DRC1: variants seen among roughly 807,000 people sequenced by gnomAD.
DRC1 encodes the protein dynein regulatory complex protein 1.
In DRC1, 74 loss-of-function variants were observed where a neutral mutation model predicts 98.7. That is an observed-to-expected ratio of 0.75 (90% confidence interval 0.62 to 0.91). The LOEUF (loss-of-function observed/expected upper bound fraction) is 0.91. DRC1 is among the 40% of genes least tolerant of loss of function. DRC1 has a pLI of 0.00. For missense variants in DRC1, 875 were observed against 886.0 expected (o/e 0.99, Z 0.16); for synonymous variants, 336 against 334.1 (o/e 1.01, Z -0.06).
chr2:26,405,952 G>T (rs997303860), intron 1 of DRC1, among the ~76,000 whole-genome samples: 1 of 152,098 alleles, frequency 6.6e-6, no homozygotes, highest in South Asian at 2.1e-4. Context: ...GAGCCACTGC[G>T]CCCTGCCTCT....
At chr2:26,416,241 T>A (rs548691402) in intron 2 of DRC1, among the ~76,000 whole-genome samples, 1 of 152,254 alleles carries the variant, frequency 6.6e-6, no homozygotes, top group Non-Finnish European at 1.5e-5. Context: ...CCCTTGACCC[T>A]GCAGTTTTTC....
At chr2:26,427,415 CT>C (rs901032299) in intron 4 of DRC1, among the ~76,000 whole-genome samples, 50 of 151,064 alleles carry the variant, frequency 3.3e-4, no homozygotes, top group South Asian at 1.5e-3. Context: ...CGCACCTGAG[CT>C]TTTTTTTTAA....
intron 4 of DRC1, 61 bp from the exon 5 acceptor site, chr2:26,429,567 T>G: frequency 5.0e-6 from 8 of 1,588,880 alleles, no homozygotes; most frequent in Non-Finnish European, 6.8e-6. Context: ...CTAGAGAGAG[T>G]GTTTGGCACC....
chr2:26,436,060 T>C (rs1663563054), intron 7 of DRC1, among the ~76,000 whole-genome samples: 1 of 152,190 alleles, frequency 6.6e-6, no homozygotes, highest in South Asian at 2.1e-4. Flanking sequence ...CCTGAACTAA[T>C]TTACCTTCCC....
Position 26,456,503 on chromosome 2 carries a change from G to A in DRC1, c.2209G>A (p.Val737Ile). ...AGTTCCTCCCACTCAGGTGTTGCGG[G>A]TACCCACAAAATGAGCTGGACCGCC... ...LQVPPTQVLR[V>I]PTK The change falls in exon 17 of 17, where the codon GTA becomes ATA. Residue 737 changes from valine to isoleucine, a missense_variant. Coordinates refer to ENST00000288710, the MANE Select transcript of DRC1 (RefSeq NM_145038.5). 6.2e-7 allele frequency: 1 copy of A among 1,614,120 alleles called. No individual in the cohort carries two copies. The highest frequency in any genetic ancestry group is 1.1e-5 in the South Asian group (1 of 91,068).
intron 10 of DRC1, among the ~76,000 whole-genome samples, chr2:26,445,564 T>G (rs1486037831): frequency 6.6e-6 from 1 of 152,220 alleles, no homozygotes; most frequent in African/African-American, 2.4e-5. Context: ...AAAGTAATTA[T>G]CCTTATTGAG....
intron 2 of DRC1, among the ~76,000 whole-genome samples, chr2:26,418,667 TAA>T (rs1356523326): frequency 3.4e-5 from 3 of 88,852 alleles, no homozygotes; most frequent in African/African-American, 1.4e-4. Context: ...ATATATTATA[TAA>T]ATTAAATATA....
At position 26,414,262 on chromosome 2, in the gene DRC1, C is replaced by T. The variant is rs1678719738; in HGVS notation, c.156-82C>T. On this transcript the variant is annotated intron_variant, in intron 1 of 16. Coordinates refer to ENST00000288710, the MANE Select transcript of DRC1 (RefSeq NM_145038.5). Reference sequence around the variant, plus strand: ...AAACTGTTGGGATTACAGGCATGAGCTACTGTGCCAGGCCAAAACCTTTAA... The same window carrying T: ...AAACTGTTGGGATTACAGGCATGAGTTACTGTGCCAGGCCAAAACCTTTAA... The T allele has an allele frequency of 4.3e-6, 6 of 1,408,630 alleles. No individual in the cohort carries two copies. The East Asian group carries it at 1.4e-4, about 32-fold the overall frequency. 87.3% of individuals were successfully genotyped at this position (1,408,630 alleles called of 1,614,324 possible).
rs778327054 is a variant in DRC1, at chr2:26,426,370, A to ATT, written c.540+1929_540+1930dup. On this transcript the variant is annotated intron_variant, in intron 4 of 16. Transcript: ENST00000288710. ...GCTCTTTGCAGTTTTGTTTTTGTTT[A>ATT]TTTTTTTTTTTTTTGAGACTGAGTC... 7.3e-4 allele frequency among the ~76,000 whole-genome samples: 101 copies of ATT among 138,230 alleles called. 2 individuals are homozygous for ATT. The highest frequency in any genetic ancestry group is 2.3e-3 in the African/African-American group (87 of 38,124). 90.7% of individuals were successfully genotyped at this position (138,230 alleles called of 152,430 possible). A position where few individuals can be genotyped will look rare whatever the true frequency, so the allele number is the denominator to read the frequency against.
intron 7 of DRC1, among the ~76,000 whole-genome samples, chr2:26,437,662 G>T (rs1663606861): frequency 6.6e-6 from 1 of 151,800 alleles, no homozygotes; most frequent in Non-Finnish European, 1.5e-5. Flanking sequence ...TATATAATTT[G>T]TCCCAGCATT....
intron 1 of DRC1, among the ~76,000 whole-genome samples, chr2:26,410,650 T>C (rs1411516620): frequency 2.0e-5 from 3 of 152,102 alleles, no homozygotes; most frequent in Non-Finnish European, 2.9e-5. Context: ...GAGCATATTA[T>C]CATGGAAAGA....
In DRC1 at chr2:26,453,477, C is replaced by A. The variant is rs377023666; in HGVS notation, c.1847C>A (p.Ser616Tyr). Residue 616 changes from serine to tyrosine, a missense_variant, in exon 14 of 17, where the codon TCC (serine) becomes TAC (tyrosine). By Grantham distance (144) the Ser-to-Tyr change is moderately radical. Coordinates refer to ENST00000288710, the MANE Select transcript of DRC1 (RefSeq NM_145038.5). The stretch of plus-strand genomic sequence containing the variant: ...GAGGAAGAGGAGGAGACCCCACCCT[C>A]CCCCTGGGTCATCCACCCCAATGAT... The part of the protein sequence containing the change: ...EKEEEEETPP[S>Y]PWVIHPNDVL... The A allele has an allele frequency of 1.2e-6, 2 of 1,614,010 alleles. No homozygotes were observed. The highest frequency in any genetic ancestry group is 1.3e-5 in the African/African-American group (1 of 74,924).
chr2:26,430,479 C>A, intron 5 of DRC1: 1 of 509,696 alleles, frequency 2.0e-6, no homozygotes. Context: ...CACACCATGG[C>A]CTGCCGTGTG....
chr2:26,448,624 C>A, intron 10 of DRC1, 67 bp from the exon 11 acceptor site: 1 of 1,519,498 alleles, frequency 6.6e-7, no homozygotes. Context: ...GACTGTTTCT[C>A]AGAGTCAACT....
At chr2:26,453,269 G>A in intron 13 of DRC1, 51 bp from the exon 14 acceptor site, 8 of 1,603,694 alleles carry the variant, frequency 5.0e-6, no homozygotes, top group Non-Finnish European at 6.8e-6. Context: ...CTCTCTCCAT[G>A]CTCATGCTCG....
rs781340823 is a variant in DRC1 at position 26,431,901 on chromosome 2, C to A, written c.783C>A (p.Asn261Lys). ...HNAKELEYLN[N>K]RMKKVEDYEK... is the part of the protein sequence containing the mutation. ...GCCTTTAGCTGGAGTATCTTAACAA[C>A]CGCATGAAGAAAGTAGAGGACTATG... The change falls in exon 7 of 17, where the codon AAC becomes AAA. Residue 261 changes from asparagine (N) to lysine (K), a missense_variant. Coordinates refer to ENST00000288710, the MANE Select transcript of DRC1 (RefSeq NM_145038.5). The A allele has an allele frequency of 1.2e-5, 19 of 1,613,864 alleles. No homozygotes were observed. The South Asian group carries it at 2.1e-4, about 18-fold the overall frequency.
intron 3 of DRC1, among the ~76,000 whole-genome samples, chr2:26,423,855 T>C (rs1453190642): frequency 6.6e-6 from 1 of 152,234 alleles, no homozygotes; most frequent in Non-Finnish European, 1.5e-5. Flanking sequence ...GAGGGAGTTA[T>C]GCAACTTGTC....
intron 7 of DRC1, among the ~76,000 whole-genome samples, chr2:26,432,634 A>G (rs577691059): frequency 9.2e-5 from 14 of 152,254 alleles, no homozygotes; most frequent in Non-Finnish European, 1.3e-4. Flanking sequence ...AGAAAGAAAA[A>G]CTGCTAAGAT....
intron 16 of DRC1, 68 bp from the exon 17 acceptor site, chr2:26,456,393 G>A: frequency 6.2e-7 from 1 of 1,601,274 alleles, no homozygotes; most frequent in Non-Finnish European, 8.5e-7. Flanking sequence ...AGCCAGCGTG[G>A]CTCGCAAGGG....
Sources: allele counts gnomAD v4.1 joint callset (sites outside exome capture counted in the v4.1 genomes callset), GRCh38; gene constraint gnomAD v4.1.1; transcripts MANE v1.5; gene names NCBI Gene and HGNC (gene_info 2026-07-23, HGNC 2026-07-21).